Variants in SERGEF observed in about 807,000 individuals in gnomAD.
SERGEF encodes the protein secretion-regulating guanine nucleotide exchange factor.
Under a neutral mutation model 50.0 loss-of-function variants are expected in SERGEF, and 51 were observed. The ratio of observed to expected loss-of-function variants is 1.02; its 90% CI spans 0.81 to 1.29. The LOEUF is 1.29. SERGEF is among the 50% of genes most tolerant of loss of function. SERGEF has a pLI of 0.00. For synonymous variants in SERGEF, 205 were observed against 212.4 expected (o/e 0.97, Z 0.30); for missense variants, 521 against 557.0 (o/e 0.94, Z 0.65).
intron 9 of SERGEF, among the ~76,000 whole-genome samples, chr11:17,949,949 G>A (rs1474696958): frequency 6.6e-6 from 1 of 152,148 alleles, no homozygotes; most frequent in Non-Finnish European, 1.5e-5. Context: ...AAAGGCAAAG[G>A]GAAGCAGAAC....
intron 9 of SERGEF, among the ~76,000 whole-genome samples, chr11:17,930,113 A>G (rs1267658503): frequency 6.6e-6 from 1 of 152,232 alleles, no homozygotes; most frequent in East Asian, 1.9e-4. Flanking sequence ...CTCATTAGCT[A>G]GGTTACCTTA....
chr11:17,968,486 G>A (rs1257517160), intron 8 of SERGEF, among the ~76,000 whole-genome samples: 1 of 152,072 alleles, frequency 6.6e-6, no homozygotes. Context: ...CCTTGAGTTT[G>A]ATCGCTTGAG....
At chr11:17,941,378 T>C (rs1301040228) in intron 9 of SERGEF, among the ~76,000 whole-genome samples, 2 of 152,238 alleles carry the variant, frequency 1.3e-5, no homozygotes, top group Non-Finnish European at 2.9e-5. Flanking sequence ...CCCAGGATCA[T>C]ACAGTATCTG....
At chr11:17,989,676 T>C (rs1853672479) in intron 7 of SERGEF, among the ~76,000 whole-genome samples, 1 of 152,238 alleles carries the variant, frequency 6.6e-6, no homozygotes, top group Non-Finnish European at 1.5e-5. Context: ...CCTTATAATC[T>C]AAGGATCTAC....
At chr11:17,916,691 T>C (rs1342711174) in intron 9 of SERGEF, among the ~76,000 whole-genome samples, 1 of 152,200 alleles carries the variant, frequency 6.6e-6, no homozygotes, top group Non-Finnish European at 1.5e-5. Flanking sequence ...TAAGTGTTGG[T>C]TTTTGTTGCT....
chr11:18,012,640 G>T (rs1854220295), intron 1 of SERGEF: 1 of 1,171,514 alleles, frequency 8.5e-7, no homozygotes, highest in Non-Finnish European at 1.1e-6. Context: ...TCTTCCAGGC[G>T]CTATTCGGGC....
intron 4 of SERGEF, 50 bp from the exon 5 acceptor site, chr11:18,000,607 A>C: frequency 7.7e-7 from 1 of 1,293,332 alleles, no homozygotes. Context: ...CCATCTACAA[A>C]ATTTTATGTA....
At chr11:17,908,730 G>A (rs1341963514) in intron 9 of SERGEF, among the ~76,000 whole-genome samples, 2 of 152,206 alleles carry the variant, frequency 1.3e-5, no homozygotes, top group Admixed American at 6.5e-5. Context: ...ATAGATGGGG[G>A]AGCCTTAATG....
At chr11:17,844,524 T>G (rs914046646) in intron 10 of SERGEF, among the ~76,000 whole-genome samples, 1 of 152,194 alleles carries the variant, frequency 6.6e-6, no homozygotes, top group Non-Finnish European at 1.5e-5. Context: ...AGGATAGTGC[T>G]TCAAGGTACT....
chr11:17,988,827 C>T, intron 7 of SERGEF, 72 bp from the exon 8 acceptor site: 1 of 1,464,370 alleles, frequency 6.8e-7, no homozygotes, highest in African/African-American at 1.4e-5. Context: ...TAACAGAAGT[C>T]TAAAAAATAA....
intron 10 of SERGEF, among the ~76,000 whole-genome samples, chr11:17,843,360 T>C (rs188832866): frequency 6.6e-6 from 1 of 152,350 alleles, no homozygotes; most frequent in Admixed American, 6.5e-5. Flanking sequence ...GTTCCTACTA[T>C]ATGTCAAGCA....
chr11:17,846,574 T>TA (rs1850615014), intron 10 of SERGEF: 2 of 396,298 alleles, frequency 5.0e-6, no homozygotes, highest in East Asian at 7.3e-5. Context: ...GAATGGTAAT[T>TA]AAAAAATCAC....
chr11:18,002,098 A>G, intron 4 of SERGEF: 1 of 450,066 alleles, frequency 2.2e-6, no homozygotes, highest in Non-Finnish European at 4.4e-6. Flanking sequence ...TTACGAGAAG[A>G]TCAAATCTTA....
At position 17,882,391 on chromosome 11, in the gene SERGEF, C is replaced by A. The variant is rs143487899; in HGVS notation, c.1012-4147G>T. 9.5e-3 allele frequency among the ~76,000 whole-genome samples: 1,406 copies of A among 148,102 alleles called. 33 individuals carry two copies. The highest frequency in any genetic ancestry group is 0.034 in the African/African-American group (1,338 of 39,502). The stretch of plus-strand genomic sequence containing the variant: ...CTGAGATCATGCCACTGCACTTGAG[C>A]CTGGGCAACAGAGCAAGAGTCAGTC... On this transcript the variant is annotated intron_variant, in intron 9 of 10. Coordinates refer to ENST00000265965, the MANE Select transcript of SERGEF (RefSeq NM_012139.4).
At chr11:17,850,743 T>C (rs1850696354) in intron 10 of SERGEF, among the ~76,000 whole-genome samples, 2 of 152,222 alleles carry the variant, frequency 1.3e-5, no homozygotes, top group Admixed American at 6.5e-5. Flanking sequence ...TTTCCCACTC[T>C]ATCACATATA....
At chr11:17,875,375 C>G (rs1179091517) in intron 10 of SERGEF, among the ~76,000 whole-genome samples, 1 of 152,216 alleles carries the variant, frequency 6.6e-6, no homozygotes, top group Non-Finnish European at 1.5e-5. Flanking sequence ...GCCTGGCTGA[C>G]CAGCTGCACT....
At chr11:17,857,649 ACAAAACT>A (rs548495919) in intron 10 of SERGEF, among the ~76,000 whole-genome samples, 91 of 152,332 alleles carry the variant, frequency 6.0e-4, no homozygotes, top group African/African-American at 2.2e-3. Context: ...GAACAGACTC[ACAAAACT>A]CACAAATACA....
chr11:17,788,642 C>T (rs929426655), intron 10 of SERGEF, among the ~76,000 whole-genome samples: 2 of 152,182 alleles, frequency 1.3e-5, no homozygotes, highest in Admixed American at 1.3e-4. Flanking sequence ...CTCATGACTG[C>T]TCATGTTCCA....
chr11:17,937,938 A>C (rs2133953280), intron 9 of SERGEF, among the ~76,000 whole-genome samples: 1 of 152,310 alleles, frequency 6.6e-6, no homozygotes, highest in South Asian at 2.1e-4. Context: ...TCAGTGGTAC[A>C]TACTATTGGG....
Sources: gnomAD v4.1 joint callset for allele counts (sites outside exome capture counted in the v4.1 genomes callset) on GRCh38, gnomAD v4.1.1 for gene constraint, MANE v1.5 for transcripts, NCBI Gene and HGNC (gene_info 2026-07-23, HGNC 2026-07-21) for gene names.